Variants in RIMKLB observed in about 807,000 individuals in gnomAD.
The protein encoded by RIMKLB is ribosomal modification protein rimK like family member B, also known as beta-citrylglutamate synthase B.
In RIMKLB, 7 loss-of-function variants were observed where a neutral mutation model predicts 32.0. The observed-to-expected ratio is 0.22, with a 90% CI of 0.12 to 0.41. The LOEUF (loss-of-function observed/expected upper bound fraction) is 0.41. RIMKLB is among the 10% of genes least tolerant of loss of function. RIMKLB has a pLI of 1.00. For missense variants in RIMKLB, 289 were observed against 498.7 expected, an observed-to-expected ratio of 0.58 and a Z score of 4.00; for synonymous variants, 172 against 185.1, an observed-to-expected ratio of 0.93 and a Z score of 0.57.
intron 5 of RIMKLB, among the ~76,000 whole-genome samples, chr12:8,764,575 C>T (rs1035256287): frequency 2.6e-5 from 4 of 152,076 alleles, no homozygotes; most frequent in Admixed American, 6.5e-5. Flanking sequence ...GAGAAGGCTG[C>T]GCCAGTGTCC....
At chr12:8,722,337 G>A (rs1945531550) in intron 2 of RIMKLB, among the ~76,000 whole-genome samples, 1 of 152,046 alleles carries the variant, frequency 6.6e-6, no homozygotes, top group Non-Finnish European at 1.5e-5. Flanking sequence ...TGGGTGACCA[G>A]GTGCATCATC....
intron 2 of RIMKLB, 100 bp downstream of exon 2, chr12:8,714,141 C>T (rs1403117814): frequency 1.1e-6 from 1 of 884,006 alleles, no homozygotes; most frequent in African/African-American, 1.7e-5. Flanking sequence ...TTAGCCTTGT[C>T]ATTACTAAGT....
intron 2 of RIMKLB, chr12:8,742,722 C>CAAGCA (rs1947677143): frequency 4.5e-6 from 1 of 224,074 alleles, no homozygotes; most frequent in Non-Finnish European, 8.9e-6. Context: ...ACTGGAGCCA[C>CAAGCA]TCCTGTTGCT....
exon 8 of RIMKLB, chr12:8,782,917 T>C (rs762472619): frequency 6.6e-6 from 1 of 152,330 alleles, no homozygotes; most frequent in South Asian, 2.1e-4. Context: ...CCTAGGTTCT[T>C]TTGAAGTAAC....
intron 5 of RIMKLB, among the ~76,000 whole-genome samples, chr12:8,763,066 T>G (rs991549216): frequency 7.2e-5 from 11 of 152,338 alleles, no homozygotes; most frequent in African/African-American, 2.6e-4. Context: ...CTTTTAGCAG[T>G]GAGTATGCTG....
chr12:8,683,996 C>A (rs1033517932), intron 1 of RIMKLB, among the ~76,000 whole-genome samples: 4 of 152,076 alleles, frequency 2.6e-5, no homozygotes, highest in Admixed American at 1.3e-4. Context: ...GAACCACCCC[C>A]CTCGGCTTCC....
At chr12:8,687,597 A>G (rs1271495416) in intron 1 of RIMKLB, among the ~76,000 whole-genome samples, 1 of 152,162 alleles carries the variant, frequency 6.6e-6, no homozygotes, top group African/African-American at 2.4e-5. Flanking sequence ...TGCCCTGGAC[A>G]AAATGAAATT....
At chr12:8,704,248 CGG>C (rs1395090174) in intron 1 of RIMKLB, among the ~76,000 whole-genome samples, 1 of 151,738 alleles carries the variant, frequency 6.6e-6, no homozygotes, top group Non-Finnish European at 1.5e-5. Flanking sequence ...CCGGGTGTGG[CGG>C]TGTGTGCTTG....
At chr12:8,747,662 C>T (rs952546199) in intron 2 of RIMKLB, among the ~76,000 whole-genome samples, 1 of 152,062 alleles carries the variant, frequency 6.6e-6, no homozygotes, top group Non-Finnish European at 1.5e-5. Context: ...AGGAATTGAT[C>T]ATATGGTGTA....
intron 2 of RIMKLB, among the ~76,000 whole-genome samples, chr12:8,726,833 ACATAT>A (rs1023462389): frequency 1.3e-5 from 2 of 152,134 alleles, no homozygotes; most frequent in African/African-American, 2.4e-5. Context: ...GGTTAAATTA[ACATAT>A]CATGTTTGTT....
At position 8,713,377 on chromosome 12, in the gene RIMKLB, A is replaced by G. The variant is rs907443687; in HGVS notation, c.-56-434A>G. Among the ~76,000 whole-genome samples, 5 of 152,214 alleles carry G rather than the reference A, an allele frequency of 3.3e-5. No homozygotes were observed. In the South Asian group the frequency reaches 1.0e-3, roughly 32 times the overall value. ...TAAAATTAACCACAGATACAAAAAT[A>G]TACTTAAGCGGGGTTTCTAGTGATG... On this transcript the variant is annotated intron_variant, in intron 1 of 5. Transcript: ENST00000535829.
downstream of RIMKLB, chr12:8,777,293 G>A (rs1950794131): frequency 1.0e-6 from 1 of 955,218 alleles, no homozygotes; most frequent in South Asian, 4.9e-5. Flanking sequence ...AGGCACCTTT[G>A]GAGCTTGGAT....
intron 2 of RIMKLB, among the ~76,000 whole-genome samples, chr12:8,736,528 T>C (rs1412877302): frequency 1.3e-5 from 2 of 150,828 alleles, no homozygotes; most frequent in African/African-American, 4.9e-5. Flanking sequence ...TTTTTTTTTT[T>C]TTTTTTTTGA....
In RIMKLB at chr12:8,722,661, ATCT is replaced by A. The variant is rs537403664; in HGVS notation, c.175+8626_175+8628del. On this transcript the variant is annotated intron_variant, in intron 2 of 5. Transcript: ENST00000535829. Reference sequence around the variant, plus strand: ...AGCTGCTATCAAAGTCCTAGAGGGCATCTTCTTCCAGCAAAAGGCTGTTTTGTC... The same window carrying A: ...AGCTGCTATCAAAGTCCTAGAGGGCATCTTCCAGCAAAAGGCTGTTTTGTC... 5.3e-5 allele frequency among the ~76,000 whole-genome samples: 8 copies of A among 152,362 alleles called. No homozygotes were observed. The South Asian group carries it at 1.7e-3, about 32-fold the overall frequency.
chr12:8,755,299 C>T (rs1354901828), intron 5 of RIMKLB, among the ~76,000 whole-genome samples: 1 of 151,646 alleles, frequency 6.6e-6, no homozygotes, highest in Non-Finnish European at 1.5e-5. Context: ...TAGGGTCTCC[C>T]TATGTTGCTC....
At chr12:8,771,550 T>C (rs987169460) in intron 5 of RIMKLB, among the ~76,000 whole-genome samples, 2 of 152,218 alleles carry the variant, frequency 1.3e-5, no homozygotes, top group Non-Finnish European at 2.9e-5. Flanking sequence ...GTCTGAGATA[T>C]AATTCTTATA....
upstream of RIMKLB, among the ~76,000 whole-genome samples, chr12:8,678,336 C>CTT (rs1178690195): frequency 2.1e-5 from 3 of 144,156 alleles, no homozygotes; most frequent in African/African-American, 7.6e-5. Context: ...TTTTTCTTTT[C>CTT]TTTTTTTTTT....
chr12:8,749,740 C>A, intron 2 of RIMKLB, 122 bp from the exon 3 acceptor site: 1 of 656,100 alleles, frequency 1.5e-6, no homozygotes, highest in Non-Finnish European at 2.6e-6. Flanking sequence ...ATCTCTATCC[C>A]AATTTAATAT....
At chr12:8,727,372 C>G (rs1946125561) in intron 2 of RIMKLB, among the ~76,000 whole-genome samples, 2 of 152,282 alleles carry the variant, frequency 1.3e-5, no homozygotes, top group South Asian at 4.1e-4. Context: ...GTAGCTGGGA[C>G]TACAGGCGTG....
Sources: gnomAD v4.1 joint callset for allele counts (sites outside exome capture counted in the v4.1 genomes callset) on GRCh38, gnomAD v4.1.1 for gene constraint, MANE v1.5 for transcripts, NCBI Gene and HGNC (gene_info 2026-07-23, HGNC 2026-07-21) for gene names.